The following PAM variants were observed in gnomAD, a reference collection of about 807,000 sequenced individuals.
PAM encodes peptidyl-glycine alpha-amidating monooxygenase.
A neutral mutation model predicts 122.1 loss-of-function variants in PAM; 72 were observed. The ratio of observed to expected loss-of-function variants is 0.59; its 90% confidence interval spans 0.49 to 0.72. PAM has a LOEUF of 0.72. Ranked by LOEUF, PAM falls within the 30% of genes least tolerant of loss-of-function variation. PAM has a pLI of 0.00. For missense variants in PAM, 1,106 were observed against 1,183.7 expected (o/e 0.93, Z 0.96); for synonymous variants, 389 against 404.4 (o/e 0.96, Z 0.46).
rs183818389 is a variant in PAM at position 102,828,241 on chromosome 5, G to A, written c.-373-37582G>A. 1.2e-4 allele frequency among the ~76,000 whole-genome samples: 18 copies of A among 152,130 alleles called. No homozygotes were observed. In the East Asian group the frequency reaches 3.1e-3, roughly 26 times the overall value. On this transcript the variant is annotated intron_variant, in intron 1 of 25. Coordinates refer to ENST00000438793, the MANE Select transcript of PAM (RefSeq NM_001177306.2). ...GTGCATCTGTGGTCCCAGCTTCTCAGGAGGCTGAGGTGGGAGGATTGATTG... is the reference window on the plus strand; with the variant it reads ...GTGCATCTGTGGTCCCAGCTTCTCAAGAGGCTGAGGTGGGAGGATTGATTG...
intron 12 of PAM, among the ~76,000 whole-genome samples, chr5:102,955,930 A>G (rs1760581953): frequency 6.6e-6 from 1 of 152,016 alleles, no homozygotes; most frequent in Non-Finnish European, 1.5e-5. Flanking sequence ...AAATAAGCAA[A>G]CTGTGATGCT....
intron 3 of PAM, among the ~76,000 whole-genome samples, chr5:102,872,754 A>G (rs1245776103): frequency 1.3e-5 from 2 of 152,204 alleles, no homozygotes; most frequent in Non-Finnish European, 2.9e-5. Flanking sequence ...TAGACTTTGT[A>G]TGTATGTTAC....
At chr5:102,767,267 A>C (rs1754382590) in intron 1 of PAM, among the ~76,000 whole-genome samples, 1 of 152,068 alleles carries the variant, frequency 6.6e-6, no homozygotes, top group Non-Finnish European at 1.5e-5. Flanking sequence ...AGTGCAGAAA[A>C]GAGTTGGACA....
chr5:102,974,044 A>C, intron 14 of PAM, 72 bp from the exon 15 acceptor site: 1 of 979,608 alleles, frequency 1.0e-6, no homozygotes, highest in Non-Finnish European at 1.5e-6. Flanking sequence ...ATATTTTTTA[A>C]AGCACCAAAT....
At chr5:102,946,461 T>C (rs1757067766) in intron 7 of PAM, among the ~76,000 whole-genome samples, 1 of 151,558 alleles carries the variant, frequency 6.6e-6, no homozygotes, top group African/African-American at 2.4e-5. Flanking sequence ...GTCTTTTGTT[T>C]GGTGCAGCAT....
chr5:102,899,933 C>T (rs1271117876), intron 3 of PAM, among the ~76,000 whole-genome samples: 1 of 151,532 alleles, frequency 6.6e-6, no homozygotes, highest in Non-Finnish European at 1.5e-5. Context: ...ATCTTTATGA[C>T]AGGAGGCAGT....
chr5:103,018,389 C>T lies in PAM; in HGVS notation c.2431+956C>T, dbSNP rs879419739. ...AGGAGTCCAAACACATAATCAGATA[C>T]GATATAGGGCTTGGATCTCAATTAA... is the stretch of plus-strand genomic sequence containing the variant. On this transcript the variant is annotated intron_variant, in intron 22 of 25. Transcript: ENST00000438793. 3.9e-5 allele frequency among the ~76,000 whole-genome samples: 6 copies of T among 152,236 alleles called. No homozygotes were observed. In the South Asian group the frequency reaches 6.2e-4, roughly 16 times the overall value.
At chr5:103,005,914 TTGTTGTTGTTGTTGTTGTTGC>T (rs1778815482) in intron 18 of PAM, among the ~76,000 whole-genome samples, 1 of 145,180 alleles carries the variant, frequency 6.9e-6, no homozygotes, top group African/African-American at 2.8e-5. Flanking sequence ...TAACTTGTTG[TTGTTGTTGTTGTTGTTGTTGC>T]TGTTGTTGTT....
chr5:102,889,646 G>T (rs1310727227), intron 3 of PAM, among the ~76,000 whole-genome samples: 1 of 151,824 alleles, frequency 6.6e-6, no homozygotes, highest in Non-Finnish European at 1.5e-5. Context: ...AAATGATACA[G>T]TGTGGTTATG....
At chr5:102,873,111 A>T (rs1012634813) in intron 3 of PAM, among the ~76,000 whole-genome samples, 3 of 152,200 alleles carry the variant, frequency 2.0e-5, no homozygotes, top group African/African-American at 7.2e-5. Context: ...CCAGAAAAAA[A>T]TGATACTTTA....
At chr5:102,915,511 T>G (rs2151594332) in intron 5 of PAM, among the ~76,000 whole-genome samples, 1 of 152,224 alleles carries the variant, frequency 6.6e-6, no homozygotes, top group Non-Finnish European at 1.5e-5. Flanking sequence ...ATATCAACAT[T>G]CCCGTTTATA....
At chr5:102,800,972 C>T (rs1234405277) in intron 1 of PAM, among the ~76,000 whole-genome samples, 2 of 152,082 alleles carry the variant, frequency 1.3e-5, no homozygotes, top group South Asian at 2.1e-4. Context: ...ATGGAATTTT[C>T]CACATGGCTT....
chr5:102,758,097 T>TC (rs1751140668), intron 1 of PAM, among the ~76,000 whole-genome samples: 1 of 111,484 alleles, frequency 9.0e-6, no homozygotes, highest in Non-Finnish European at 1.9e-5. Flanking sequence ...TTTTTTTTTT[T>TC]TTTTTTTTTT....
downstream of PAM, chr5:103,029,759 A>G (rs1785989250): frequency 6.6e-6 from 1 of 151,866 alleles, no homozygotes; most frequent in Non-Finnish European, 1.5e-5. Context: ...TGCAGATTTT[A>G]CATACAACTT....
At chr5:102,801,606 C>G (rs1764712230) in intron 1 of PAM, among the ~76,000 whole-genome samples, 1 of 152,160 alleles carries the variant, frequency 6.6e-6, no homozygotes, top group African/African-American at 2.4e-5. Context: ...AACCCACATC[C>G]TGCTGTCAGA....
intron 3 of PAM, chr5:102,873,232 G>A (rs1250059753): frequency 1.3e-5 from 2 of 151,874 alleles, no homozygotes; most frequent in Non-Finnish European, 2.9e-5. Flanking sequence ...CTTTCTCTTG[G>A]ACATAAGAAT....
rs185512585 is a variant in PAM, at chr5:102,894,219, C to T, written c.211-7137C>T. ...GAAGAGTACCCACAGGGTCTCAGTC[C>T]TTCTAGGGGGAGCCACAGAGAAGAA... On this transcript the variant is annotated intron_variant, in intron 3 of 25. Transcript: ENST00000438793. Among the ~76,000 whole-genome samples, 4 of 151,554 alleles carry T rather than the reference C, an allele frequency of 2.6e-5. No individual in the cohort carries two copies. The East Asian group carries it at 7.8e-4, about 30-fold the overall frequency.
intron 7 of PAM, among the ~76,000 whole-genome samples, chr5:102,935,270 T>C (rs1561944455): frequency 7.2e-6 from 1 of 139,644 alleles, no homozygotes; most frequent in Non-Finnish European, 1.5e-5. Flanking sequence ...TACTTTTTTC[T>C]TTTTTTTTTG....
chr5:103,000,499 A>T lies in PAM; in HGVS notation c.1614-2534A>T, dbSNP rs181412520. Among the ~76,000 whole-genome samples the T allele has an allele frequency of 5.3e-3, 801 of 152,220 alleles. 8 individuals carry two copies. Among genetic ancestry groups the T allele is most frequent in the African/African-American group, 0.016 (675 of 41,536 alleles). ...ATTACCCAGTTCCAAAGTCACTTCC[A>T]CATTTTTGTGTATCTTTATGGCAGC... On this transcript the variant is annotated intron_variant, in intron 16 of 25. Transcript: ENST00000438793.
Sources: gnomAD v4.1 joint callset for allele counts (sites outside exome capture counted in the v4.1 genomes callset) on GRCh38, gnomAD v4.1.1 for gene constraint, MANE v1.5 for transcripts, NCBI Gene and HGNC (gene_info 2026-07-23, HGNC 2026-07-21) for gene names.